Variants in PRKN observed in about 807,000 individuals in gnomAD.
PRKN encodes the protein parkin RBR E3 ubiquitin protein ligase, also known as E3 ubiquitin-protein ligase parkin.
A neutral mutation model predicts 59.5 loss-of-function variants in PRKN; 56 were observed. That is an observed-to-expected ratio of 0.94 (90% CI 0.76 to 1.18). The LOEUF (loss-of-function observed/expected upper bound fraction) is 1.18. Among genes scored for constraint, PRKN ranks in the 50% most tolerant of loss-of-function variants. PRKN has a pLI of 0.00. For missense variants in PRKN, 657 were observed against 596.4 expected (o/e 1.10, Z -1.06); for synonymous variants, 250 against 222.1 (o/e 1.13, Z -1.12).
rs1483520858 is a variant in PRKN, at chr6:161,533,751, C to G, written c.1083+15103G>C. Among the ~76,000 whole-genome samples, 5 of 152,054 alleles carry G rather than the reference C, an allele frequency of 3.3e-5. No homozygotes were observed. Among genetic ancestry groups the G allele is most frequent in the Non-Finnish European group, 7.4e-5 (5 of 67,988 alleles). On this transcript the variant is annotated intron_variant, in intron 9 of 11. Coordinates refer to ENST00000366898, the MANE Select transcript of PRKN (RefSeq NM_004562.3). The surrounding 1 kb of genome is among the most constrained non-coding windows in gnomAD (Gnocchi z 4.1). ...CTCTCTTGCAAGGAGCTGCCCTCCT[C>G]TCTCCTTTCTTCCGCCTGTTAAACT...
intron 6 of PRKN, among the ~76,000 whole-genome samples, chr6:161,959,401 G>A (rs1269334517): frequency 6.6e-6 from 1 of 152,134 alleles, no homozygotes; most frequent in Non-Finnish European, 1.5e-5. Flanking sequence ...TCTGCCTCTG[G>A]AGAAGTCCGC....
intron 9 of PRKN, among the ~76,000 whole-genome samples, chr6:161,416,346 C>T (rs1357164056): frequency 6.6e-6 from 1 of 152,076 alleles, no homozygotes; most frequent in African/African-American, 2.4e-5. Flanking sequence ...TGTTTTCCCC[C>T]GAGGAGAGCG....
chr6:162,537,271 A>G (rs528639610), intron 1 of PRKN, among the ~76,000 whole-genome samples: 5 of 152,194 alleles, frequency 3.3e-5, no homozygotes, highest in Admixed American at 6.5e-5. Flanking sequence ...ATCCAATCCC[A>G]TATTTCCCAA....
At chr6:161,815,797 T>G in intron 6 of PRKN, among the ~76,000 whole-genome samples, 1 of 151,892 alleles carries the variant, frequency 6.6e-6, no homozygotes, top group Admixed American at 6.6e-5. Context: ...GCAGCTGGAG[T>G]TAACAGAACT....
chr6:161,900,576 ATATAT>A (rs1473661119), intron 6 of PRKN, among the ~76,000 whole-genome samples: 2 of 128,380 alleles, frequency 1.6e-5, no homozygotes, highest in Non-Finnish European at 3.1e-5. Flanking sequence ...ATATTATGTA[ATATAT>A]TATATATTAA....
intron 6 of PRKN, among the ~76,000 whole-genome samples, chr6:161,925,204 A>G (rs757820069): frequency 1.3e-5 from 2 of 152,232 alleles, no homozygotes; most frequent in Non-Finnish European, 2.9e-5. Flanking sequence ...ACAATTTATG[A>G]TGGGCTAATA....
At chr6:161,868,088 C>A (rs2128226064) in intron 6 of PRKN, among the ~76,000 whole-genome samples, 1 of 151,818 alleles carries the variant, frequency 6.6e-6, no homozygotes, top group East Asian at 2.0e-4. Flanking sequence ...TAATCCCAAT[C>A]TTTTACTTCT....
intron 2 of PRKN, among the ~76,000 whole-genome samples, chr6:162,280,834 A>C (rs1463060334): frequency 6.6e-6 from 1 of 151,178 alleles, no homozygotes; most frequent in Admixed American, 6.6e-5. Flanking sequence ...GAAGACGACA[A>C]GAACTAACTA....
chr6:162,301,787 G>T lies in PRKN; in HGVS notation c.172-39022C>A, dbSNP rs918823397. Among the ~76,000 whole-genome samples, 199 of 116,570 alleles carry T rather than the reference G, an allele frequency of 1.7e-3. 11 individuals carry two copies. The highest frequency in any genetic ancestry group is 5.7e-3 in the African/African-American group (187 of 33,056). 76.5% of individuals were successfully genotyped at this position (116,570 alleles called of 152,430 possible). On this transcript the variant is annotated intron_variant, in intron 2 of 11. Transcript: ENST00000366898. ...CAGCAAATAAATTGGCCGGGGCGGG[G>T]GGGGGGTGCAGAATTCACTTTCCCT...
chr6:162,469,240 G>A (rs1791587428), intron 1 of PRKN, among the ~76,000 whole-genome samples: 1 of 151,628 alleles, frequency 6.6e-6, no homozygotes, highest in African/African-American at 2.4e-5. Context: ...AAAGTTCAGA[G>A]GAGGCGGTCG....
At chr6:161,955,178 T>G (rs1255271842) in intron 6 of PRKN, among the ~76,000 whole-genome samples, 2 of 152,104 alleles carry the variant, frequency 1.3e-5, no homozygotes, top group African/African-American at 2.4e-5. Context: ...TTGGGCAAGA[T>G]AACCCTTTGC....
intron 2 of PRKN, among the ~76,000 whole-genome samples, chr6:162,293,654 C>T (rs762638285): frequency 3.3e-5 from 5 of 151,584 alleles, no homozygotes; most frequent in African/African-American, 7.3e-5. Context: ...ACACAGAGGG[C>T]TCTCCTCCCA....
intron 6 of PRKN, among the ~76,000 whole-genome samples, chr6:161,840,639 C>G (rs1386869132): frequency 6.6e-6 from 1 of 152,104 alleles, no homozygotes; most frequent in Non-Finnish European, 1.5e-5. Context: ...CCTGTTTTTC[C>G]CCTCCAGTGT....
intron 5 of PRKN, among the ~76,000 whole-genome samples, chr6:162,048,166 G>A (rs1777457496): frequency 6.6e-6 from 1 of 151,960 alleles, no homozygotes; most frequent in Admixed American, 6.6e-5. Context: ...AACACTTCAG[G>A]TAAATTCTGC....
intron 7 of PRKN, among the ~76,000 whole-genome samples, chr6:161,637,593 T>C (rs986909238): frequency 6.6e-6 from 1 of 152,120 alleles, no homozygotes; most frequent in Non-Finnish European, 1.5e-5. Flanking sequence ...GGTAGCCTTT[T>C]CTCCTCTGCG....
intron 7 of PRKN, among the ~76,000 whole-genome samples, chr6:161,720,654 TC>T (rs2070486659): frequency 6.6e-6 from 1 of 152,188 alleles, no homozygotes; most frequent in Non-Finnish European, 1.5e-5. Context: ...ATGTACAGTT[TC>T]CTAACCAGGA....
rs1044974323 is a variant in PRKN, at chr6:162,677,121, A to G, written c.7+50541T>C. Among the ~76,000 whole-genome samples, 8 of 151,454 alleles carry G rather than the reference A, an allele frequency of 5.3e-5. No homozygotes were observed. In the South Asian group the frequency reaches 1.5e-3, roughly 28 times the overall value. On this transcript the variant is annotated intron_variant, in intron 1 of 11. Transcript: ENST00000366898. ...CAATGCATGTGGTAGGAAATGCTGG[A>G]AAAAAAACACTGGAGAACTTAAAGA... is the stretch of plus-strand genomic sequence containing the variant.
chr6:162,331,766 G>C (rs1248615372), intron 2 of PRKN, among the ~76,000 whole-genome samples: 1 of 152,132 alleles, frequency 6.6e-6, no homozygotes, highest in African/African-American at 2.4e-5. Context: ...AAAAGCCATA[G>C]TACGTGTCTG....
chr6:161,532,664 T>C (rs4615360), intron 9 of PRKN, among the ~76,000 whole-genome samples: 13,647 of 152,188 alleles, frequency 0.09, 951 homozygotes, highest in African/African-American at 0.19. Flanking sequence ...TAAATAGAAA[T>C]CATGGGTTAC....
Sources: gnomAD v4.1 joint callset for allele counts (sites outside exome capture counted in the v4.1 genomes callset) on GRCh38, gnomAD v4.1.1 for gene constraint, Gnocchi (gnomAD v3.1) non-coding constraint, MANE v1.5 for transcripts, NCBI Gene and HGNC (gene_info 2026-07-23, HGNC 2026-07-21) for gene names.